EHMT1: variants seen among roughly 807,000 people sequenced by gnomAD.
EHMT1 encodes the protein histone-lysine N-methyltransferase EHMT1.
A neutral mutation model predicts 147.2 loss-of-function variants in EHMT1; 15 were observed. The ratio of observed to expected loss-of-function variants is 0.10; its 90% confidence interval spans 0.07 to 0.16. EHMT1 has a LOEUF of 0.16. Among genes scored for constraint, EHMT1 ranks in the 10% least tolerant of loss-of-function variants. The pLI is 1.00. For missense variants in EHMT1, 1,587 were observed against 1,772.4 expected (o/e 0.90, Z 1.88); for synonymous variants, 795 against 709.6 (o/e 1.12, Z -1.91).
At chr9:137,669,592 GGCGCAGCCGCTCCAGCA>G (rs1940284600) in intron 1 of EHMT1, among the ~76,000 whole-genome samples, 1 of 116,660 alleles carries the variant, frequency 8.6e-6, no homozygotes, top group Admixed American at 9.2e-5. Flanking sequence ...GTCTACCCAG[GGCGCAGCCGCTCCAGCA>G]GCTCTTCCCT....
intron 25 of EHMT1, chr9:137,834,010 A>G: frequency 2.7e-6 from 1 of 370,272 alleles, no homozygotes; most frequent in Non-Finnish European, 5.1e-6. Context: ...TTGGTGCCAG[A>G]CAGCCCCATG....
At chr9:137,826,055 G>A (rs1955790893) in intron 25 of EHMT1, among the ~76,000 whole-genome samples, 1 of 148,272 alleles carries the variant, frequency 6.7e-6, no homozygotes, top group African/African-American at 2.5e-5. Context: ...GTGAATATCT[G>A]ATTTATATGC....
intron 1 of EHMT1, among the ~76,000 whole-genome samples, chr9:137,636,483 A>G (rs2501566): frequency 0.33 from 49,988 of 152,000 alleles, 10,318 homozygotes; most frequent in African/African-American, 0.57. Context: ...CTGTTTTTAG[A>G]GGAAAGCTTT....
chr9:137,653,675 T>C (rs1027241228), intron 1 of EHMT1, among the ~76,000 whole-genome samples: 4 of 152,106 alleles, frequency 2.6e-5, no homozygotes, highest in Admixed American at 6.6e-5. Context: ...ATGACAGGCA[T>C]GTGCCACCGT....
intron 1 of EHMT1, among the ~76,000 whole-genome samples, chr9:137,684,508 T>C (rs1213312788): frequency 1.3e-5 from 2 of 152,282 alleles, no homozygotes; most frequent in Admixed American, 6.5e-5. Context: ...TGATTTTGTT[T>C]TGAGATGGGG....
In EHMT1 at chr9:137,717,073, C is replaced by G. The variant is rs777497639; in HGVS notation, c.533C>G (p.Thr178Ser). 2 of 1,610,612 alleles carry G rather than the reference C, an allele frequency of 1.2e-6. No homozygotes were observed. Among genetic ancestry groups the G allele is most frequent in the Non-Finnish European group, 1.7e-6 (2 of 1,178,472 alleles). ...CAGACGCCAGCCGCCCCACCAGCCA[C>G]CCTTGGGGAGGGGAGTGCTGACACA... ...FPQTPAAPPA[T>S]LGEGSADTED... Residue 178 changes from threonine (T) to serine (S), a missense_variant, in exon 3 of 27, where the codon ACC (threonine) becomes AGC (serine). Physicochemically the swap from Thr to Ser is moderately conservative, Grantham distance 58. Coordinates refer to ENST00000460843, the MANE Select transcript of EHMT1 (RefSeq NM_024757.5).
chr9:137,705,948 TGGA>T (rs1944232254), intron 1 of EHMT1, among the ~76,000 whole-genome samples: 1 of 152,140 alleles, frequency 6.6e-6, no homozygotes, highest in Non-Finnish European at 1.5e-5. Flanking sequence ...CTCCCTCTCC[TGGA>T]CTTCCAAATT....
intron 12 of EHMT1, among the ~76,000 whole-genome samples, chr9:137,777,589 C>G (rs1951052382): frequency 6.6e-6 from 1 of 152,156 alleles, no homozygotes; most frequent in South Asian, 2.1e-4. Flanking sequence ...CACTTTGAAT[C>G]AAAATTCCAG....
At chr9:137,744,752 C>T (rs188914321) in intron 6 of EHMT1, among the ~76,000 whole-genome samples, 2 of 152,376 alleles carry the variant, frequency 1.3e-5, no homozygotes, top group Admixed American at 1.3e-4. Context: ...GGACACCACA[C>T]ATGGGCCAGG....
chr9:137,801,575 T>C (rs1953491602), intron 18 of EHMT1, among the ~76,000 whole-genome samples: 1 of 152,196 alleles, frequency 6.6e-6, no homozygotes, highest in African/African-American at 2.4e-5. Context: ...CTCAGCTCAC[T>C]GCAACCTCCA....
At position 137,619,014 on chromosome 9, in the gene EHMT1, C is replaced by G; in HGVS notation, c.-15C>G. The G allele has an allele frequency of 7.2e-6, 7 of 972,180 alleles. No individual in the cohort carries two copies. The highest frequency in any genetic ancestry group is 8.5e-6 in the Non-Finnish European group (7 of 819,482). The allele number at this position is 972,180 out of a possible 1,614,324, so 60.2% of individuals were successfully genotyped here. On this transcript the variant is annotated 5_prime_UTR_variant, in exon 1 of 27. Transcript: ENST00000460843. ...GGCGCGCGGGAGGGGCGGGGCCACG[C>G]TGCGGGCCCGGGCCATGGCCGCCGC...
intron 4 of EHMT1, among the ~76,000 whole-genome samples, chr9:137,733,839 A>G (rs1466708170): frequency 6.6e-6 from 1 of 152,208 alleles, no homozygotes; most frequent in African/African-American, 2.4e-5. Flanking sequence ...GGGGTAAATT[A>G]TAAAGTGACT....
chr9:137,669,513 C>A (rs1315014694), intron 1 of EHMT1, among the ~76,000 whole-genome samples: 8 of 3,466 alleles, frequency 2.3e-3, no homozygotes, highest in African/African-American at 4.8e-3. Flanking sequence ...AGACGCCCCG[C>A]ACAGCACGTG....
intron 23 of EHMT1, 153 bp from the exon 24 acceptor site, chr9:137,817,286 G>C (rs75000513): frequency 3.6e-5 from 30 of 825,704 alleles, no homozygotes; most frequent in Non-Finnish European, 5.8e-5. Context: ...GCGAGATGCC[G>C]TGTCTGTGAG....
At chr9:137,675,319 C>T (rs1450468425) in intron 1 of EHMT1, 1 of 152,190 alleles carries the variant, frequency 6.6e-6, no homozygotes, top group African/African-American at 2.4e-5. Context: ...TTCCTATTAC[C>T]ACTGACTTGA....
At chr9:137,740,420 C>T (rs994265271) in intron 4 of EHMT1, among the ~76,000 whole-genome samples, 3 of 152,250 alleles carry the variant, frequency 2.0e-5, no homozygotes, top group Admixed American at 6.5e-5. Context: ...GCAAATCCTC[C>T]TTCCAAAGAG....
chr9:137,653,163 G>T (rs1938049299), intron 1 of EHMT1, among the ~76,000 whole-genome samples: 1 of 152,146 alleles, frequency 6.6e-6, no homozygotes, highest in South Asian at 2.1e-4. Flanking sequence ...CTCCATTCAT[G>T]GTAAGTGTCC....
At chr9:137,648,850 C>T (rs1845098226) in intron 1 of EHMT1, among the ~76,000 whole-genome samples, 2 of 152,220 alleles carry the variant, frequency 1.3e-5, no homozygotes, top group African/African-American at 4.8e-5. Flanking sequence ...TCCCGTTTCC[C>T]TGACTTCTCT....
At chr9:137,652,277 A>G (rs1372339096) in intron 1 of EHMT1, among the ~76,000 whole-genome samples, 2 of 151,598 alleles carry the variant, frequency 1.3e-5, no homozygotes, top group African/African-American at 4.8e-5. Flanking sequence ...TTTTTTTTGT[A>G]GAGATGAGGT....
Sources: allele counts gnomAD v4.1 joint callset (sites outside exome capture counted in the v4.1 genomes callset), GRCh38; gene constraint gnomAD v4.1.1; transcripts MANE v1.5; gene names NCBI Gene and HGNC (gene_info 2026-07-23, HGNC 2026-07-21).